CDK6: variants seen among roughly 807,000 people sequenced by gnomAD.
The protein encoded by CDK6 is cyclin-dependent kinase 6.
CDK6 carries 6 observed loss-of-function variants against 37.1 expected under a neutral mutation model. The observed-to-expected ratio is 0.16, with a 90% CI of 0.09 to 0.32. The LOEUF (loss-of-function observed/expected upper bound fraction) is 0.32, where lower values mean the gene tolerates loss of function less well. Ranked by LOEUF, CDK6 falls within the 10% of genes least tolerant of loss-of-function variation. CDK6 has a pLI of 1.00. For missense variants in CDK6, 224 were observed against 418.9 expected (o/e 0.53, Z 4.06); for synonymous variants, 160 against 161.3 (o/e 0.99, Z 0.06).
chr7:92,708,818 A>G (rs1224415477), intron 4 of CDK6, among the ~76,000 whole-genome samples: 1 of 152,220 alleles, frequency 6.6e-6, no homozygotes, highest in Middle Eastern at 3.2e-3. Flanking sequence ...GTTTTGAATG[A>G]AAATGTTAAT....
chr7:92,668,092 A>G (rs1796998237), intron 5 of CDK6, among the ~76,000 whole-genome samples: 1 of 152,122 alleles, frequency 6.6e-6, no homozygotes, highest in South Asian at 2.1e-4. Flanking sequence ...TATATAGGTA[A>G]ATCATTTTTT....
intron 2 of CDK6, among the ~76,000 whole-genome samples, chr7:92,824,217 T>C (rs1801253398): frequency 6.6e-6 from 1 of 151,282 alleles, no homozygotes; most frequent in African/African-American, 2.4e-5. Flanking sequence ...AATAGAACTC[T>C]TAACGATTTA....
At chr7:92,698,953 G>T (rs1250292206) in intron 4 of CDK6, among the ~76,000 whole-genome samples, 2 of 152,096 alleles carry the variant, frequency 1.3e-5, no homozygotes, top group African/African-American at 4.8e-5. Context: ...ATGGGCTCTG[G>T]CTTATGAAAT....
chr7:92,695,455 T>C (rs576421669), intron 4 of CDK6, among the ~76,000 whole-genome samples: 2 of 152,276 alleles, frequency 1.3e-5, no homozygotes, highest in African/African-American at 4.8e-5. Context: ...AAAAGAGCTC[T>C]TCTGGGTTCT....
intron 5 of CDK6, among the ~76,000 whole-genome samples, chr7:92,627,128 G>A (rs540427464): frequency 1.8e-4 from 28 of 152,026 alleles, no homozygotes; most frequent in Non-Finnish European, 3.4e-4. Context: ...ATATCACTGA[G>A]TCATAAAAAG....
chr7:92,743,388 T>A (rs968737296), intron 3 of CDK6, among the ~76,000 whole-genome samples: 4 of 147,752 alleles, frequency 2.7e-5, no homozygotes, highest in African/African-American at 7.5e-5. Context: ...AAGAAAAAAA[T>A]AAATAAATAA....
At position 92,605,362 on chromosome 7, in the gene CDK6, A is replaced by G. The variant is rs1325350311; in HGVS notation, c.*9778T>C. On this transcript the variant is annotated 3_prime_UTR_variant, in exon 8 of 8. Coordinates refer to ENST00000424848, the MANE Select transcript of CDK6 (RefSeq NM_001145306.2). ...CACCACTGCAGTTCTCCCTTTCCCA[A>G]TAAGTCAGAGTAAGGGGCAGGTAAG... 3 of 233,310 alleles carry G rather than the reference A, an allele frequency of 1.3e-5. No individual in the cohort carries two copies. The highest frequency in any genetic ancestry group is 2.5e-5 in the Non-Finnish European group (3 of 117,918). 14.5% of individuals were successfully genotyped at this position (233,310 alleles called of 1,614,324 possible).
intron 3 of CDK6, among the ~76,000 whole-genome samples, chr7:92,765,712 G>A (rs569465101): frequency 6.6e-6 from 1 of 152,094 alleles, no homozygotes; most frequent in East Asian, 1.9e-4. Flanking sequence ...CTAGTGCAAT[G>A]GACTAGAGTC....
intron 2 of CDK6, among the ~76,000 whole-genome samples, chr7:92,784,518 T>A (rs931114018): frequency 6.6e-6 from 1 of 152,180 alleles, no homozygotes; most frequent in Admixed American, 6.5e-5. Context: ...TTTTAGTCTT[T>A]CCTTAACAGT....
chr7:92,804,908 C>A (rs538570049), intron 2 of CDK6, among the ~76,000 whole-genome samples: 1 of 152,274 alleles, frequency 6.6e-6, no homozygotes, highest in African/African-American at 2.4e-5. Flanking sequence ...AACAAATTCA[C>A]CCCTGGTTCA....
chr7:92,646,460 C>T (rs560566195), intron 5 of CDK6, among the ~76,000 whole-genome samples: 111 of 150,362 alleles, frequency 7.4e-4, no homozygotes, highest in Middle Eastern at 3.5e-3. Context: ...TGCAGTGGCG[C>T]GATCTCGGCT....
chr7:92,628,061 G>A (rs904839399), intron 5 of CDK6, among the ~76,000 whole-genome samples: 1 of 152,016 alleles, frequency 6.6e-6, no homozygotes, highest in African/African-American at 2.4e-5. Flanking sequence ...CATGTGCTCC[G>A]CAAGTTTTGA....
chr7:92,808,193 C>A (rs978643720), intron 2 of CDK6, among the ~76,000 whole-genome samples: 1 of 152,188 alleles, frequency 6.6e-6, no homozygotes, highest in Admixed American at 6.5e-5. Context: ...ACAGAACACT[C>A]ATTAAATCAG....
chr7:92,707,125 A>G (rs946937776), intron 4 of CDK6, among the ~76,000 whole-genome samples: 1 of 152,206 alleles, frequency 6.6e-6, no homozygotes, highest in African/African-American at 2.4e-5. Context: ...TCATTTCTTT[A>G]CCTGTCTTCA....
intron 2 of CDK6, among the ~76,000 whole-genome samples, chr7:92,801,400 G>A (rs1356783680): frequency 1.3e-5 from 2 of 149,960 alleles, no homozygotes; most frequent in Non-Finnish European, 3.0e-5. Flanking sequence ...ATACATGCGT[G>A]CTCTCTCTCT....
chr7:92,726,428 T>G (rs960322905), intron 3 of CDK6, among the ~76,000 whole-genome samples: 2 of 152,172 alleles, frequency 1.3e-5, no homozygotes, highest in Non-Finnish European at 2.9e-5. Flanking sequence ...TTGTTTTTTT[T>G]TAAACAGGAT....
intron 4 of CDK6, among the ~76,000 whole-genome samples, chr7:92,682,886 A>T (rs1393220300): frequency 6.6e-6 from 1 of 152,216 alleles, no homozygotes; most frequent in Non-Finnish European, 1.5e-5. Flanking sequence ...AAATGCCTGA[A>T]GGGCCTATGT....
intron 3 of CDK6, among the ~76,000 whole-genome samples, chr7:92,752,264 T>G (rs1799206948): frequency 6.6e-6 from 1 of 152,238 alleles, no homozygotes; most frequent in South Asian, 2.1e-4. Flanking sequence ...TAGGAAATGT[T>G]AAATTTCCTT....
At chr7:92,777,984 A>G (rs2115800254) in intron 2 of CDK6, among the ~76,000 whole-genome samples, 1 of 152,030 alleles carries the variant, frequency 6.6e-6, no homozygotes, top group Non-Finnish European at 1.5e-5. Flanking sequence ...CCTCTGTTAA[A>G]CTTTTAATGC....
Sources: gnomAD v4.1 joint callset for allele counts (sites outside exome capture counted in the v4.1 genomes callset) on GRCh38, gnomAD v4.1.1 for gene constraint, MANE v1.5 for transcripts, NCBI Gene and HGNC (gene_info 2026-07-23, HGNC 2026-07-21) for gene names.